NOS1AP: variants seen among roughly 807,000 people sequenced by gnomAD.
The protein encoded by NOS1AP is nitric oxide synthase 1 adaptor protein.
A neutral mutation model predicts 56.2 loss-of-function variants in NOS1AP; 21 were observed. The observed-to-expected ratio is 0.37, with a 90% CI of 0.26 to 0.54. The LOEUF (loss-of-function observed/expected upper bound fraction) is 0.54. NOS1AP is among the 20% of genes least tolerant of loss of function. The pLI is 0.84. For synonymous variants in NOS1AP, 270 were observed against 274.6 expected (o/e 0.98, Z 0.17); for missense variants, 522 against 657.8 (o/e 0.79, Z 2.26).
At chr1:162,283,565 T>C (rs1361473060) in intron 2 of NOS1AP, among the ~76,000 whole-genome samples, 1 of 152,228 alleles carries the variant, frequency 6.6e-6, no homozygotes, top group Non-Finnish European at 1.5e-5. Flanking sequence ...TTCTTACTCA[T>C]GTCTTCCATT....
At chr1:162,163,559 G>A (rs1194677703) in intron 2 of NOS1AP, among the ~76,000 whole-genome samples, 2 of 152,160 alleles carry the variant, frequency 1.3e-5, no homozygotes, top group African/African-American at 4.8e-5. Flanking sequence ...GTTGCGGAAG[G>A]CTTCTGGGTT....
intron 2 of NOS1AP, among the ~76,000 whole-genome samples, chr1:162,216,650 C>G (rs1652579214): frequency 2.6e-5 from 4 of 152,160 alleles, no homozygotes; most frequent in African/African-American, 9.7e-5. Flanking sequence ...GATAGCATGA[C>G]AAACCTGCTG....
intron 2 of NOS1AP, among the ~76,000 whole-genome samples, chr1:162,178,711 C>T (rs1044468583): frequency 6.6e-6 from 1 of 152,180 alleles, no homozygotes; most frequent in Non-Finnish European, 1.5e-5. Flanking sequence ...AGAAGCACCT[C>T]GTTCAGCTCA....
At chr1:162,275,307 A>T (rs1654702016) in intron 2 of NOS1AP, among the ~76,000 whole-genome samples, 1 of 152,082 alleles carries the variant, frequency 6.6e-6, no homozygotes, top group Non-Finnish European at 1.5e-5. Context: ...CCTCCTGAGT[A>T]GCTGGGACTA....
intron 5 of NOS1AP, among the ~76,000 whole-genome samples, chr1:162,343,041 A>G (rs1657161215): frequency 6.6e-6 from 1 of 151,978 alleles, no homozygotes; most frequent in African/African-American, 2.4e-5. Flanking sequence ...TCAGTTATCC[A>G]CCTTTGAGGC....
intron 2 of NOS1AP, among the ~76,000 whole-genome samples, chr1:162,182,438 G>A (rs995571352): frequency 2.0e-5 from 3 of 152,130 alleles, no homozygotes; most frequent in African/African-American, 7.2e-5. Context: ...GACTGACCAG[G>A]GTGCTGGATG....
intron 2 of NOS1AP, among the ~76,000 whole-genome samples, chr1:162,221,244 A>G (rs926007641): frequency 5.3e-5 from 8 of 152,164 alleles, no homozygotes; most frequent in African/African-American, 1.9e-4. Context: ...CAGCCCACAC[A>G]CTATTTTTAA....
At chr1:162,279,840 A>G (rs749246652) in intron 2 of NOS1AP, among the ~76,000 whole-genome samples, 11 of 152,192 alleles carry the variant, frequency 7.2e-5, no homozygotes, top group Middle Eastern at 3.2e-3. Flanking sequence ...GGGGAACATA[A>G]CAAGCACAGA....
intron 1 of NOS1AP, among the ~76,000 whole-genome samples, chr1:162,099,056 A>G (rs1346987099): frequency 1.3e-5 from 2 of 152,088 alleles, no homozygotes; most frequent in Non-Finnish European, 2.9e-5. Flanking sequence ...GTTGAATGGT[A>G]TTTCTGCCTC....
At chr1:162,120,124 T>C (rs934803271) in intron 1 of NOS1AP, among the ~76,000 whole-genome samples, 32 of 151,450 alleles carry the variant, frequency 2.1e-4, no homozygotes, top group African/African-American at 7.8e-4. Flanking sequence ...ATGTATATGA[T>C]ATATACACAT....
At chr1:162,332,862 G>A (rs1656817365) in intron 4 of NOS1AP, among the ~76,000 whole-genome samples, 155 bp from the exon 5 acceptor site, 1 of 152,166 alleles carries the variant, frequency 6.6e-6, no homozygotes, top group South Asian at 2.1e-4. Flanking sequence ...AGTGCCTCCT[G>A]CATTGTGACT....
chr1:162,361,831 A>G (rs6681981), intron 8 of NOS1AP, among the ~76,000 whole-genome samples: 46,814 of 151,946 alleles, frequency 0.31, 8,378 homozygotes, highest in East Asian at 0.52. Flanking sequence ...AAAGCTTTCA[A>G]TTTTTTTCCT....
chr1:162,081,738 C>CTA (rs1558090478), intron 1 of NOS1AP, among the ~76,000 whole-genome samples: 16 of 88,234 alleles, frequency 1.8e-4, no homozygotes, highest in African/African-American at 4.8e-4. Flanking sequence ...ATCTATATAT[C>CTA]TATATCTATA....
At chr1:162,223,412 C>A (rs1652846912) in intron 2 of NOS1AP, among the ~76,000 whole-genome samples, 1 of 152,022 alleles carries the variant, frequency 6.6e-6, no homozygotes, top group Non-Finnish European at 1.5e-5. Context: ...TTCTGTATTG[C>A]CAAAAAGTGT....
rs959742412 is a variant in NOS1AP, at chr1:162,209,623, A to G, written c.177+55147A>G. ...CCACTGAACATTCTGTGACTTGAAA[A>G]CATTATTCTAAAGAACACTTTTTAA... On this transcript the variant is annotated intron_variant, in intron 2 of 9. Transcript: ENST00000361897. Among the ~76,000 whole-genome samples, 5 of 152,322 alleles carry G rather than the reference A, an allele frequency of 3.3e-5. No homozygotes were observed. In the East Asian group the frequency reaches 7.7e-4, roughly 24 times the overall value.
chr1:162,148,859 A>G (rs1346544021), intron 1 of NOS1AP, among the ~76,000 whole-genome samples: 1 of 152,182 alleles, frequency 6.6e-6, no homozygotes, highest in Non-Finnish European at 1.5e-5. Context: ...GGATCAGGTA[A>G]TGGCAGTGTA....
chr1:162,348,199 A>G lies in NOS1AP; in HGVS notation c.595+4223A>G, dbSNP rs1265698505. ...GAGTACATATGTTTTAGTCATTGTCAACAAGTGTTTGTTAAATGCTTACTG... is the reference window on the plus strand; with the variant it reads ...GAGTACATATGTTTTAGTCATTGTCGACAAGTGTTTGTTAAATGCTTACTG... On this transcript the variant is annotated intron_variant, in intron 6 of 9. Transcript: ENST00000361897. Among the ~76,000 whole-genome samples, 6 of 152,268 alleles carry G rather than the reference A, an allele frequency of 3.9e-5. No individual in the cohort carries two copies. The East Asian group carries it at 7.7e-4, about 20-fold the overall frequency.
At chr1:162,083,985 G>T (rs1161234235) in intron 1 of NOS1AP, among the ~76,000 whole-genome samples, 1 of 152,162 alleles carries the variant, frequency 6.6e-6, no homozygotes, top group Non-Finnish European at 1.5e-5. Flanking sequence ...TACTCCTAGT[G>T]ATTTTGATTC....
intron 3 of NOS1AP, among the ~76,000 whole-genome samples, chr1:162,292,553 A>G (rs536260697): frequency 6.6e-6 from 1 of 152,336 alleles, no homozygotes; most frequent in South Asian, 2.1e-4. Context: ...ACATCCTATC[A>G]GTGGTGAAGT....
Sources: allele counts gnomAD v4.1 joint callset (sites outside exome capture counted in the v4.1 genomes callset), GRCh38; gene constraint gnomAD v4.1.1; transcripts MANE v1.5; gene names NCBI Gene and HGNC (gene_info 2026-07-23, HGNC 2026-07-21).